Variants in TCF12 observed in about 807,000 individuals in gnomAD.
The protein encoded by TCF12 is transcription factor 12.
TCF12 carries 45 observed loss-of-function variants against 86.0 expected under a neutral mutation model. That is an observed-to-expected ratio of 0.52 (90% confidence interval 0.41 to 0.67). The LOEUF (loss-of-function observed/expected upper bound fraction) is 0.67, where lower values mean the gene tolerates loss of function less well. Among genes scored for constraint, TCF12 ranks in the 30% least tolerant of loss-of-function variants. The pLI is 0.00. For synonymous variants in TCF12, 330 were observed against 299.6 expected (o/e 1.10, Z -1.05); for missense variants, 881 against 859.9 (o/e 1.02, Z -0.31).
intron 5 of TCF12, among the ~76,000 whole-genome samples, chr15:57,153,380 C>T (rs1240582612): frequency 6.6e-6 from 1 of 152,196 alleles, no homozygotes; most frequent in Non-Finnish European, 1.5e-5. Flanking sequence ...GTGAGCATGG[C>T]TGTTTTCCAG....
At chr15:57,179,568 C>T (rs960432579) in intron 6 of TCF12, among the ~76,000 whole-genome samples, 14 of 151,862 alleles carry the variant, frequency 9.2e-5, no homozygotes, top group African/African-American at 3.4e-4. Context: ...GGGCTGATTT[C>T]GTTGGCAGGA....
At chr15:57,028,723 C>A (rs1165521187) in intron 3 of TCF12, among the ~76,000 whole-genome samples, 1 of 152,050 alleles carries the variant, frequency 6.6e-6, no homozygotes, top group African/African-American at 2.4e-5. Context: ...TAAAAAACAT[C>A]TTTGCTTACT....
intron 1 of TCF12, 195 bp downstream of exon 1, chr15:56,919,101 C>G (rs1198197430): frequency 6.6e-6 from 1 of 151,776 alleles, no homozygotes; most frequent in African/African-American, 2.4e-5. Flanking sequence ...CGCGGGCGCT[C>G]AGGCCCGCTG....
intron 3 of TCF12, among the ~76,000 whole-genome samples, chr15:56,998,712 C>T (rs533927544): frequency 3.1e-4 from 47 of 152,204 alleles, no homozygotes; most frequent in Non-Finnish European, 4.9e-4. Flanking sequence ...TTATGGAATA[C>T]TTTACCCAAC....
intron 11 of TCF12, among the ~76,000 whole-genome samples, chr15:57,233,199 GTCTC>G (rs368357883): frequency 2.6e-5 from 4 of 151,310 alleles, no homozygotes; most frequent in Admixed American, 1.3e-4. Flanking sequence ...TTGAGACAGA[GTCTC>G]TCTCTCTCAC....
intron 5 of TCF12, among the ~76,000 whole-genome samples, chr15:57,110,770 A>C (rs1596576004): frequency 6.6e-6 from 1 of 152,350 alleles, no homozygotes; most frequent in East Asian, 1.9e-4. Flanking sequence ...ATCTCACTAT[A>C]TAAATGAGGA....
intron 3 of TCF12, among the ~76,000 whole-genome samples, chr15:57,028,873 A>G (rs2065978388): frequency 6.6e-6 from 1 of 151,706 alleles, no homozygotes; most frequent in Admixed American, 6.6e-5. Flanking sequence ...ATCTTGGCTC[A>G]CTGCACCTTC....
At chr15:57,275,327 G>GGGGTGTGTGTGTGTGT (rs2061328433) in intron 19 of TCF12, among the ~76,000 whole-genome samples, 2 of 64,060 alleles carry the variant, frequency 3.1e-5, no homozygotes, top group Admixed American at 1.7e-4. Flanking sequence ...GTAAGGTAGG[G>GGGGTGTGTGTGTGTGT]GTGTGTGTGT....
chr15:56,967,929 T>A lies in TCF12; in HGVS notation c.148+46831T>A, dbSNP rs370516849. Among the ~76,000 whole-genome samples the A allele has an allele frequency of 2.6e-5, 4 of 152,250 alleles. No homozygotes were observed. The East Asian group carries it at 7.7e-4, about 29-fold the overall frequency. The stretch of plus-strand genomic sequence containing the variant: ...GCTAGATAAAAAATATCATTTTAGC[T>A]TCTCATTGGTTGCTAATTATGTTTG... On this transcript the variant is annotated intron_variant, in intron 3 of 20. Coordinates refer to ENST00000333725, the MANE Select transcript of TCF12 (RefSeq NM_207037.2).
intron 3 of TCF12, among the ~76,000 whole-genome samples, chr15:57,023,609 T>G (rs936695370): frequency 6.6e-6 from 1 of 152,214 alleles, no homozygotes; most frequent in Admixed American, 6.5e-5. Flanking sequence ...TAAAGAAGTT[T>G]TTTTTATGAA....
At chr15:57,076,910 T>C (rs889167813) in intron 4 of TCF12, among the ~76,000 whole-genome samples, 4 of 152,134 alleles carry the variant, frequency 2.6e-5, no homozygotes, top group African/African-American at 9.7e-5. Context: ...TTGAAAAGAT[T>C]TTTCTTCCCT....
intron 8 of TCF12, among the ~76,000 whole-genome samples, chr15:57,217,298 A>C (rs2058372781): frequency 6.6e-6 from 1 of 152,084 alleles, no homozygotes; most frequent in Non-Finnish European, 1.5e-5. Context: ...AAGAAATTTG[A>C]TTATACTATT....
intron 18 of TCF12, among the ~76,000 whole-genome samples, chr15:57,265,025 C>T (rs1025968751): frequency 6.6e-6 from 1 of 151,338 alleles, no homozygotes; most frequent in Non-Finnish European, 1.5e-5. Context: ...CCACCACACC[C>T]GGCCAACTTT....
chr15:56,930,180 A>G (rs141567325), intron 3 of TCF12, among the ~76,000 whole-genome samples: 4 of 152,282 alleles, frequency 2.6e-5, no homozygotes, highest in Non-Finnish European at 4.4e-5. Flanking sequence ...CATGGAAGGT[A>G]TCTCTGCTGG....
chr15:56,979,496 T>C (rs756899781), intron 3 of TCF12, among the ~76,000 whole-genome samples: 24 of 152,312 alleles, frequency 1.6e-4, no homozygotes, highest in Non-Finnish European at 2.8e-4. Flanking sequence ...TCCTGACTTA[T>C]GATATGCTTA....
chr15:57,223,249 TTTTCTCCTTTG>T (rs2058685442), intron 8 of TCF12, among the ~76,000 whole-genome samples: 1 of 151,988 alleles, frequency 6.6e-6, no homozygotes, highest in Admixed American at 6.6e-5. Context: ...CAAAAGCACA[TTTTCTCCTTTG>T]TATCATCCAA....
intron 3 of TCF12, among the ~76,000 whole-genome samples, chr15:56,979,593 G>A (rs1445311563): frequency 6.6e-6 from 1 of 152,066 alleles, no homozygotes; most frequent in Non-Finnish European, 1.5e-5. Flanking sequence ...CACGTTGAAT[G>A]GTCATATAAT....
At chr15:56,946,698 A>G (rs1452146800) in intron 3 of TCF12, among the ~76,000 whole-genome samples, 1 of 150,996 alleles carries the variant, frequency 6.6e-6, no homozygotes, top group African/African-American at 2.4e-5. Flanking sequence ...TGTTTTTTAG[A>G]GATGTAAGGC....
intron 19 of TCF12, among the ~76,000 whole-genome samples, chr15:57,279,290 G>A (rs1381625305): frequency 1.3e-5 from 2 of 152,208 alleles, no homozygotes; most frequent in African/African-American, 2.4e-5. Context: ...AATGTAAGAA[G>A]TGACTAGTGA....
Sources: gnomAD v4.1 joint callset for allele counts (sites outside exome capture counted in the v4.1 genomes callset) on GRCh38, gnomAD v4.1.1 for gene constraint, MANE v1.5 for transcripts, NCBI Gene and HGNC (gene_info 2026-07-23, HGNC 2026-07-21) for gene names.